TRAPPC3L: variants seen among roughly 807,000 people sequenced by gnomAD.
The protein encoded by TRAPPC3L is trafficking protein particle complex subunit 3-like protein.
In TRAPPC3L, 23 loss-of-function variants were observed where a neutral mutation model predicts 23.7. That is an observed-to-expected ratio of 0.97 (90% CI 0.70 to 1.37). TRAPPC3L has a LOEUF of 1.37. TRAPPC3L is among the 40% of genes most tolerant of loss of function. The probability of loss-of-function intolerance (pLI) is 0.00; values close to 1 mark genes in which losing one functional copy is unlikely to be tolerated. For missense variants in TRAPPC3L, 212 were observed against 216.8 expected (o/e 0.98, Z 0.14); for synonymous variants, 81 against 77.9 (o/e 1.04, Z -0.21).
At chr6:116,512,378 T>A in intron 3 of TRAPPC3L, 1 of 964,294 alleles carries the variant, frequency 1.0e-6, no homozygotes, top group Non-Finnish European at 1.5e-6. Context: ...GCATTGAGAC[T>A]ATCTCAGGAA....
At chr6:116,512,268 A>G in intron 3 of TRAPPC3L, 2 of 1,564,246 alleles carry the variant, frequency 1.3e-6, no homozygotes, top group Non-Finnish European at 1.7e-6. Context: ...TTTTTCTCTC[A>G]GCATGAGCTC....
At chr6:116,516,829 A>T (rs2115169763) in intron 3 of TRAPPC3L, 1 of 152,098 alleles carries the variant, frequency 6.6e-6, no homozygotes, top group East Asian at 1.9e-4. Flanking sequence ...AAAACATTTT[A>T]GTGGGCCCTT....
chr6:116,522,014 G>A (rs981765126), intron 3 of TRAPPC3L: 1 of 152,052 alleles, frequency 6.6e-6, no homozygotes, highest in Non-Finnish European at 1.5e-5. Flanking sequence ...AGTGGGAGGA[G>A]AGAGAGAGAG....
rs1772219912 is a variant in TRAPPC3L at position 116,516,088 on chromosome 6, C to A, written c.241-15422G>T. On this transcript the variant is annotated intron_variant, in intron 3 of 4. Coordinates refer to ENST00000368602, the MANE Select transcript of TRAPPC3L (RefSeq NM_001139444.3). ...ACCTGTGTGTCTCTGTATTTTCTTA[C>A]ATTTGGAGTATGTTTACAAGACAAT... 5.6e-6 allele frequency: 8 copies of A among 1,428,246 alleles called. No homozygotes were observed. In the South Asian group the frequency reaches 7.6e-5, roughly 14 times the overall value. The allele number at this position is 1,428,246 out of a possible 1,614,324, so 88.5% of individuals were successfully genotyped here.
chr6:116,507,497 G>A (rs771882683), intron 3 of TRAPPC3L, among the ~76,000 whole-genome samples: 10 of 152,174 alleles, frequency 6.6e-5, no homozygotes, highest in East Asian at 1.9e-4. Flanking sequence ...CTCACTGTCC[G>A]TACTCCATAC....
intron 3 of TRAPPC3L, chr6:116,519,040 G>C (rs1249651234): frequency 6.6e-6 from 1 of 152,214 alleles, no homozygotes; most frequent in African/African-American, 2.4e-5. Context: ...GTAAGATAGG[G>C]AGAGCAAATT....
chr6:116,509,102 A>C (rs889479595), intron 3 of TRAPPC3L, among the ~76,000 whole-genome samples: 3 of 151,616 alleles, frequency 2.0e-5, no homozygotes, highest in Non-Finnish European at 4.4e-5. Context: ...AAAAAAAAAA[A>C]AAAAAAAAAA....
intron 3 of TRAPPC3L, among the ~76,000 whole-genome samples, chr6:116,509,098 A>G (rs1049465474): frequency 6.6e-5 from 10 of 151,364 alleles, no homozygotes; most frequent in East Asian, 5.8e-4. Context: ...TTGTAAAAAA[A>G]AAAAAAAAAA....
chr6:116,501,979 C>T (rs1336871264), intron 3 of TRAPPC3L, among the ~76,000 whole-genome samples: 1 of 152,198 alleles, frequency 6.6e-6, no homozygotes, highest in Non-Finnish European at 1.5e-5. Context: ...TCCAAAAGAA[C>T]ACAACTCTTT....
intron 3 of TRAPPC3L, among the ~76,000 whole-genome samples, chr6:116,501,457 G>A (rs572776558): frequency 3.6e-4 from 55 of 152,352 alleles, no homozygotes; most frequent in African/African-American, 1.3e-3. Flanking sequence ...ACAAAAGTCA[G>A]CAGAAAACTT....
rs1450629158 is a variant in TRAPPC3L at position 116,532,848 on chromosome 6, T to C, written c.240+7515A>G. Among the ~76,000 whole-genome samples, 6 of 152,374 alleles carry C rather than the reference T, an allele frequency of 3.9e-5. No homozygotes were observed. The East Asian group carries it at 7.7e-4, about 20-fold the overall frequency. On this transcript the variant is annotated intron_variant, in intron 3 of 4. Transcript: ENST00000368602. Reference sequence around the variant, plus strand: ...AAGGTAGGTTAAGTAAGGTTAATCATGGGTTCCCTTACCTTTACAAAGTTG... The same window carrying C: ...AAGGTAGGTTAAGTAAGGTTAATCACGGGTTCCCTTACCTTTACAAAGTTG...
intron 4 of TRAPPC3L, among the ~76,000 whole-genome samples, chr6:116,498,481 T>C (rs1007386246): frequency 2.6e-5 from 4 of 152,250 alleles, no homozygotes; most frequent in Non-Finnish European, 5.9e-5. Flanking sequence ...CATGCATGCC[T>C]CATTATTAGG....
At chr6:116,532,164 T>C (rs1418327526) in intron 3 of TRAPPC3L, among the ~76,000 whole-genome samples, 1 of 152,212 alleles carries the variant, frequency 6.6e-6, no homozygotes, top group Non-Finnish European at 1.5e-5. Flanking sequence ...GAGTCTTTCA[T>C]TTAAAGACAA....
chr6:116,545,454 CTT>C lies in TRAPPC3L; in HGVS notation c.42+17_42+18del. 1 of 1,537,728 alleles carries C rather than the reference CTT, an allele frequency of 6.5e-7. No homozygotes were observed. The highest frequency in any genetic ancestry group is 8.8e-7 in the Non-Finnish European group (1 of 1,139,670). On this transcript the variant is annotated intron_variant, in intron 1 of 4. Transcript: ENST00000368602. Reference sequence around the variant, plus strand: ...ATTTTCTCTGAAGTAGAAAAAATCTCTTTGTAGAAAGATCTTACTATTTTATG... The same window carrying C: ...ATTTTCTCTGAAGTAGAAAAAATCTCTGTAGAAAGATCTTACTATTTTATG...
intron 3 of TRAPPC3L, among the ~76,000 whole-genome samples, chr6:116,534,010 C>T (rs530944769): frequency 6.6e-6 from 1 of 152,266 alleles, no homozygotes; most frequent in East Asian, 1.9e-4. Flanking sequence ...TCATACCTTC[C>T]CCAACAAGAT....
At chr6:116,515,174 C>CTAATA (rs1414205197) in intron 3 of TRAPPC3L, among the ~76,000 whole-genome samples, 5 of 152,104 alleles carry the variant, frequency 3.3e-5, no homozygotes, top group Non-Finnish European at 7.3e-5. Context: ...AGTCTCTAGC[C>CTAATA]ATGTATATAC....
chr6:116,515,544 A>G, intron 3 of TRAPPC3L: 1 of 1,522,538 alleles, frequency 6.6e-7, no homozygotes, highest in Non-Finnish European at 8.8e-7. Flanking sequence ...ATAATACCCC[A>G]GCTCCCTAAA....
At chr6:116,509,015 T>TAG (rs1255410259) in intron 3 of TRAPPC3L, among the ~76,000 whole-genome samples, 2 of 144,352 alleles carry the variant, frequency 1.4e-5, no homozygotes, top group African/African-American at 5.2e-5. Flanking sequence ...TGTACCCAAA[T>TAG]CAGTAGCCCT....
Position 116,540,384 on chromosome 6 carries a change from T to G in TRAPPC3L, c.219A>C (p.Glu73Asp). 1.3e-6 allele frequency: 2 copies of G among 1,551,196 alleles called. No individual in the cohort carries two copies. The highest frequency in any genetic ancestry group is 1.7e-6 in the Non-Finnish European group (2 of 1,146,694). The change falls in exon 3 of 5, where the codon GAA (glutamate) becomes GAC (aspartate). Residue 73 changes from glutamate (E) to aspartate (D), a missense_variant. Glu to Asp is a conservative substitution (Grantham distance 45). Coordinates refer to ENST00000368602, the MANE Select transcript of TRAPPC3L (RefSeq NM_001139444.3). ...SCVGRCHSYSEIIDIIAQVAF... is the reference protein window; with the variant it reads ...SCVGRCHSYSDIIDIIAQVAF... ...TTACCTGGGCAATTATGTCTATAAT[T>G]TCTGAATAACTATGGCATCTTCCCA...
Sources: allele counts gnomAD v4.1 joint callset (sites outside exome capture counted in the v4.1 genomes callset), GRCh38; gene constraint gnomAD v4.1.1; transcripts MANE v1.5; gene names NCBI Gene and HGNC (gene_info 2026-07-23, HGNC 2026-07-21).